VGLL4: variants seen among roughly 807,000 people sequenced by gnomAD.
The protein encoded by VGLL4 is transcription cofactor vestigial-like protein 4.
Under a neutral mutation model 21.0 loss-of-function variants are expected in VGLL4, and 7 were observed. The ratio of observed to expected loss-of-function variants is 0.33; its 90% CI spans 0.19 to 0.63. The LOEUF is 0.63. Ranked by LOEUF, VGLL4 falls within the 20% of genes least tolerant of loss-of-function variation. The pLI, the probability that VGLL4 is intolerant of heterozygous loss-of-function variation, is 0.78. For synonymous variants in VGLL4, 222 were observed against 173.2 expected (o/e 1.28, Z -2.21); for missense variants, 394 against 425.7 (o/e 0.93, Z 0.66).
At chr3:11,657,764 G>A (rs376268265) in intron 2 of VGLL4, among the ~76,000 whole-genome samples, 58 of 152,240 alleles carry the variant, frequency 3.8e-4, no homozygotes, top group African/African-American at 1.3e-3. Flanking sequence ...AGTGTTCTAC[G>A]AAACTATTCA....
intron 2 of VGLL4, among the ~76,000 whole-genome samples, chr3:11,658,880 G>C (rs2075994298): frequency 6.6e-6 from 1 of 152,128 alleles, no homozygotes; most frequent in Non-Finnish European, 1.5e-5. Context: ...ACAGCATCTA[G>C]AATTGTTTTT....
At chr3:11,573,098 G>A (rs563749082) in intron 2 of VGLL4, among the ~76,000 whole-genome samples, 6 of 151,816 alleles carry the variant, frequency 4.0e-5, no homozygotes, top group East Asian at 1.9e-4. Flanking sequence ...CCCGGGAGGC[G>A]GAGGTTGCAG....
chr3:11,640,616 C>T (rs138549009), intron 1 of VGLL4, among the ~76,000 whole-genome samples: 48 of 152,330 alleles, frequency 3.2e-4, no homozygotes, highest in African/African-American at 1.1e-3. Context: ...CACCCCAAAC[C>T]TGCTAATTGT....
chr3:11,616,681 T>C (rs1303640190), intron 1 of VGLL4, among the ~76,000 whole-genome samples: 1 of 152,238 alleles, frequency 6.6e-6, no homozygotes, highest in Admixed American at 6.5e-5. Flanking sequence ...CTAAAGAATG[T>C]ATACAATTTA....
At chr3:11,612,229 T>C (rs961674966) in intron 1 of VGLL4, 4 of 152,224 alleles carry the variant, frequency 2.6e-5, no homozygotes, top group African/African-American at 9.6e-5. Flanking sequence ...AGTTCTATAC[T>C]GCTTAAAATC....
intron 2 of VGLL4, among the ~76,000 whole-genome samples, chr3:11,654,236 G>A (rs2075923034): frequency 6.6e-6 from 1 of 152,184 alleles, no homozygotes; most frequent in Non-Finnish European, 1.5e-5. Context: ...ATGTCCTATT[G>A]TCTTAAAATG....
At chr3:11,576,056 T>G (rs1181216693) in intron 2 of VGLL4, among the ~76,000 whole-genome samples, 1 of 152,228 alleles carries the variant, frequency 6.6e-6, no homozygotes, top group African/African-American at 2.4e-5. Flanking sequence ...ATTATTAGCT[T>G]TAGTTTTTTA....
chr3:11,703,703 G>A (rs1018285709), intron 1 of VGLL4, among the ~76,000 whole-genome samples: 1 of 152,124 alleles, frequency 6.6e-6, no homozygotes, highest in East Asian at 1.9e-4. Flanking sequence ...GAAAGCCCTG[G>A]AAAACCAGAA....
chr3:11,678,751 G>A (rs780467627), intron 2 of VGLL4, among the ~76,000 whole-genome samples: 67 of 152,118 alleles, frequency 4.4e-4, no homozygotes, highest in Non-Finnish European at 1.2e-4. Flanking sequence ...AAAAATTTAA[G>A]TACATTAAGT....
In VGLL4 at chr3:11,557,086, C is replaced by T. The variant is rs764367995; in HGVS notation, c.*1470G>A. 2.6e-5 allele frequency: 4 copies of T among 152,454 alleles called. No individual in the cohort carries two copies. The highest frequency in any genetic ancestry group is 1.9e-4 in the East Asian group (1 of 5,308). The allele number at this position is 152,454 out of a possible 1,614,324, so 9.4% of individuals were successfully genotyped here. On this transcript the variant is annotated 3_prime_UTR_variant, in exon 5 of 5. Transcript: ENST00000430365. ...ACGTCACCTGGTCAGGTGCCATCGT[C>T]GTGAGCCTCTGGTGGGCCAGGTGGG...
At chr3:11,644,024 C>A, upstream of VGLL4, 9 of 978,962 alleles carry the variant, frequency 9.2e-6, no homozygotes, top group Non-Finnish European at 1.1e-5. Context: ...ATCAGCCTCT[C>A]AATGTAGCAA....
At chr3:11,581,105 C>T (rs968306967) in intron 2 of VGLL4, among the ~76,000 whole-genome samples, 27 of 149,200 alleles carry the variant, frequency 1.8e-4, no homozygotes, top group African/African-American at 5.9e-4. Flanking sequence ...CTTTCTCTGT[C>T]GCCCTGGCTG....
Position 11,662,281 on chromosome 3 carries a change from A to G in VGLL4, c.64+40690T>C, listed in dbSNP as rs191064690. Reference sequence around the variant, plus strand: ...TTCAGACTTTTCAGCTATGTGAATCACTAAATTCCTTTTATTTTAAAAAAT... The same window carrying G: ...TTCAGACTTTTCAGCTATGTGAATCGCTAAATTCCTTTTATTTTAAAAAAT... On this transcript the variant is annotated intron_variant, in intron 2 of 5. Coordinates refer to the VGLL4 transcript ENST00000273038. 5.9e-3 allele frequency among the ~76,000 whole-genome samples: 899 copies of G among 152,342 alleles called. 9 individuals are homozygous for G. Among genetic ancestry groups the G allele is most frequent in the African/African-American group, 0.021 (858 of 41,558 alleles).
intron 2 of VGLL4, among the ~76,000 whole-genome samples, chr3:11,573,178 C>A (rs185592910): frequency 6.8e-6 from 1 of 146,726 alleles, no homozygotes; most frequent in Non-Finnish European, 1.5e-5. Flanking sequence ...GAAAGAAAGA[C>A]AGACAGACAG....
intron 2 of VGLL4, among the ~76,000 whole-genome samples, chr3:11,696,081 G>A (rs1329703812): frequency 1.3e-5 from 2 of 152,168 alleles, no homozygotes; most frequent in African/African-American, 2.4e-5. Flanking sequence ...GGGCTTTCCT[G>A]ATGAAATTCT....
rs888646546 is a variant in VGLL4, at chr3:11,660,219, T to C, written c.64+42752A>G. Reference sequence around the variant, plus strand: ...CCAGCAGTTAGCTAGAAGCAGGTTCTGATCTTGGTTCTGCCACAGACTGGC... The same window carrying C: ...CCAGCAGTTAGCTAGAAGCAGGTTCCGATCTTGGTTCTGCCACAGACTGGC... On this transcript the variant is annotated intron_variant, in intron 2 of 5. Transcript: ENST00000273038. 7.9e-5 allele frequency among the ~76,000 whole-genome samples: 12 copies of C among 152,176 alleles called. No individual in the cohort carries two copies. The South Asian group carries it at 1.2e-3, about 16-fold the overall frequency.
intron 2 of VGLL4, among the ~76,000 whole-genome samples, chr3:11,593,970 A>G (rs1012637384): frequency 6.6e-6 from 1 of 152,202 alleles, no homozygotes; most frequent in South Asian, 2.1e-4. Flanking sequence ...GCTCTGCCCT[A>G]TTCTGTGGCC....
At chr3:11,618,221 T>C (rs915995651) in intron 1 of VGLL4, among the ~76,000 whole-genome samples, 3 of 152,164 alleles carry the variant, frequency 2.0e-5, no homozygotes, top group Non-Finnish European at 2.9e-5. Context: ...AATATACAGA[T>C]ATGTTGGGTT....
At chr3:11,690,492 C>T (rs2076511386) in intron 2 of VGLL4, among the ~76,000 whole-genome samples, 1 of 152,098 alleles carries the variant, frequency 6.6e-6, no homozygotes, top group Non-Finnish European at 1.5e-5. Flanking sequence ...ACTAGTACTT[C>T]GCTAGGAAAC....
Sources: allele counts gnomAD v4.1 joint callset (sites outside exome capture counted in the v4.1 genomes callset), GRCh38; gene constraint gnomAD v4.1.1; transcripts MANE v1.5; gene names NCBI Gene and HGNC (gene_info 2026-07-23, HGNC 2026-07-21).